The following VPS26C variants were observed in gnomAD, a reference collection of about 807,000 sequenced individuals.
VPS26C encodes vacuolar protein sorting-associated protein 26C.
VPS26C carries 19 observed loss-of-function variants against 30.6 expected under a neutral mutation model. The observed-to-expected ratio is 0.62, with a 90% confidence interval of 0.43 to 0.91. The LOEUF (loss-of-function observed/expected upper bound fraction) is 0.91, where lower values mean the gene tolerates loss of function less well. VPS26C is among the 40% of genes least tolerant of loss of function. The pLI, the probability that VPS26C is intolerant of heterozygous loss-of-function variation, is 0.00. For missense variants in VPS26C, 318 were observed against 385.1 expected (o/e 0.83, Z 1.46); for synonymous variants, 132 against 151.5 (o/e 0.87, Z 0.95).
At chr21:37,250,325 T>C (rs1425297605) in intron 1 of VPS26C, among the ~76,000 whole-genome samples, 1 of 151,062 alleles carries the variant, frequency 6.6e-6, no homozygotes, top group Non-Finnish European at 1.5e-5. Flanking sequence ...AAAAATCAAG[T>C]TGGACCATAC....
intron 5 of VPS26C, chr21:37,230,540 T>G (rs934261321): frequency 6.6e-6 from 1 of 152,282 alleles, no homozygotes; most frequent in Non-Finnish European, 1.5e-5. Context: ...GCAATTTTAT[T>G]TTATTTGCTT....
At chr21:37,238,841 A>G (rs1450757274) in intron 2 of VPS26C, among the ~76,000 whole-genome samples, 2 of 152,168 alleles carry the variant, frequency 1.3e-5, no homozygotes, top group East Asian at 3.9e-4. Flanking sequence ...CTTGAGACAC[A>G]TGGGAACTGA....
Position 37,256,126 on chromosome 21 carries a change from G to A in VPS26C, c.57+11112C>T, listed in dbSNP as rs555332497. On this transcript the variant is annotated intron_variant, in intron 1 of 7. Coordinates refer to ENST00000309117, the MANE Select transcript of VPS26C (RefSeq NM_006052.2). ...GCTGGGATTACAGGCATGAGCCACC[G>A]TGCCCGGCCCTAGGCACTGTATTAT... 6.6e-5 allele frequency among the ~76,000 whole-genome samples: 10 copies of A among 152,266 alleles called. No individual in the cohort carries two copies. In the East Asian group the frequency reaches 1.4e-3, roughly 21 times the overall value.
At chr21:37,267,693 T>C, upstream of VPS26C, 1 of 278,618 alleles carries the variant, frequency 3.6e-6, no homozygotes, top group Non-Finnish European at 6.9e-6. Flanking sequence ...AGCCTGTCTG[T>C]CGGTTGCAGC....
rs2086257021 is a variant in VPS26C at position 37,257,591 on chromosome 21, G to GA, written c.57+9646dup. Among the ~76,000 whole-genome samples the GA allele has an allele frequency of 6.6e-6, 1 of 152,232 alleles. No individual in the cohort carries two copies. The highest frequency in any genetic ancestry group is 2.4e-5 in the African/African-American group (1 of 41,456). ...TGAAAAAAGGAACGCGTGAAATGGGGAGTGTTAGGGCGTCACAAACTCCAG... is the reference window on the plus strand; with the variant it reads ...TGAAAAAAGGAACGCGTGAAATGGGGAAGTGTTAGGGCGTCACAAACTCCAG... On this transcript the variant is annotated intron_variant, in intron 1 of 7. Coordinates refer to ENST00000309117, the MANE Select transcript of VPS26C (RefSeq NM_006052.2). This position sits in a 1 kb window ranked among gnomAD's most constrained non-coding sequence, Gnocchi z 4.2.
At chr21:37,244,659 G>C (rs1185910587) in intron 1 of VPS26C, among the ~76,000 whole-genome samples, 1 of 152,146 alleles carries the variant, frequency 6.6e-6, no homozygotes, top group Non-Finnish European at 1.5e-5. Flanking sequence ...TCAAGTCCGC[G>C]ACCCCTCTTG....
intron 1 of VPS26C, among the ~76,000 whole-genome samples, chr21:37,253,587 A>G (rs567423480): frequency 1.3e-5 from 2 of 152,370 alleles, no homozygotes; most frequent in African/African-American, 2.4e-5. Context: ...AACATTAATA[A>G]AAGTAAGTAT....
chr21:37,266,060 G>C (rs1017194001), intron 1 of VPS26C, among the ~76,000 whole-genome samples: 1 of 151,876 alleles, frequency 6.6e-6, no homozygotes, highest in African/African-American at 2.4e-5. Flanking sequence ...TTGGATTAGA[G>C]GCGTCCGCCA....
At chr21:37,264,833 G>A (rs550637763) in intron 1 of VPS26C, among the ~76,000 whole-genome samples, 56 of 152,264 alleles carry the variant, frequency 3.7e-4, no homozygotes, top group Non-Finnish European at 6.3e-4. Context: ...ATAAAAACTT[G>A]TACTAGAATG....
At chr21:37,232,707 A>G in intron 4 of VPS26C, 1 of 569,694 alleles carries the variant, frequency 1.8e-6, no homozygotes. Flanking sequence ...AGAATTTTAA[A>G]ATCAGATCTA....
intron 1 of VPS26C, among the ~76,000 whole-genome samples, chr21:37,246,932 AT>A (rs1219932849): frequency 6.6e-6 from 1 of 151,976 alleles, no homozygotes; most frequent in Non-Finnish European, 1.5e-5. Flanking sequence ...TAATTTTTGT[AT>A]TTTTTGTAGA....
At chr21:37,267,161 G>C in intron 1 of VPS26C, 77 bp downstream of exon 1, 1 of 1,287,296 alleles carries the variant, frequency 7.8e-7, no homozygotes, top group Non-Finnish European at 1.1e-6. Context: ...CGCGGGACGT[G>C]CGCAGAGCGA....
intron 1 of VPS26C, among the ~76,000 whole-genome samples, chr21:37,242,534 C>A (rs927749075): frequency 1.6e-4 from 24 of 151,750 alleles, no homozygotes; most frequent in African/African-American, 5.6e-4. Flanking sequence ...TACAGTGAGC[C>A]ATGAATGAGC....
intron 2 of VPS26C, among the ~76,000 whole-genome samples, chr21:37,240,231 T>A (rs2086071031): frequency 6.6e-6 from 1 of 152,108 alleles, no homozygotes; most frequent in Admixed American, 6.5e-5. Context: ...CAAGGGATCC[T>A]CCTGCCTCAG....
chr21:37,254,055 G>A (rs964654460), intron 1 of VPS26C, among the ~76,000 whole-genome samples: 3 of 152,100 alleles, frequency 2.0e-5, no homozygotes, highest in Non-Finnish European at 2.9e-5. Flanking sequence ...CATTTAGGAG[G>A]GCTCCAATTA....
intron 7 of VPS26C, 130 bp downstream of exon 7, chr21:37,227,524 G>T: frequency 9.5e-7 from 1 of 1,056,304 alleles, no homozygotes; most frequent in Non-Finnish European, 1.4e-6. Flanking sequence ...GAGCTGTATG[G>T]CCTGTGGCAG....
chr21:37,239,626 GGA>G (rs1426630932), intron 2 of VPS26C, among the ~76,000 whole-genome samples: 1 of 148,258 alleles, frequency 6.7e-6, no homozygotes, highest in Non-Finnish European at 1.5e-5. Flanking sequence ...TTTTGGAGAT[GGA>G]GTTTTGCTCT....
At chr21:37,230,332 C>T (rs1345838714) in intron 5 of VPS26C, among the ~76,000 whole-genome samples, 4 of 152,244 alleles carry the variant, frequency 2.6e-5, no homozygotes, top group Non-Finnish European at 5.9e-5. Context: ...CTCCCACTGA[C>T]ATGATATTAA....
chr21:37,262,243 G>T (rs2086312382), intron 1 of VPS26C, among the ~76,000 whole-genome samples: 1 of 152,178 alleles, frequency 6.6e-6, no homozygotes. Flanking sequence ...CCAAATGTCT[G>T]CAAACTCTTC....
Sources: gnomAD v4.1 joint callset for allele counts (sites outside exome capture counted in the v4.1 genomes callset) on GRCh38, gnomAD v4.1.1 for gene constraint, Gnocchi (gnomAD v3.1) non-coding constraint, MANE v1.5 for transcripts, NCBI Gene and HGNC (gene_info 2026-07-23, HGNC 2026-07-21) for gene names.